Variants in MCM5 observed in about 807,000 individuals in gnomAD.
MCM5 encodes the protein DNA replication licensing factor MCM5.
In MCM5, 46 loss-of-function variants were observed where a neutral mutation model predicts 79.9. The observed-to-expected ratio is 0.58, with a 90% CI of 0.45 to 0.74. The LOEUF is 0.74. Ranked by LOEUF, MCM5 falls within the 30% of genes least tolerant of loss-of-function variation. The probability of loss-of-function intolerance (pLI) is 0.00; values close to 1 mark genes in which losing one functional copy is unlikely to be tolerated. For synonymous variants in MCM5, 404 were observed against 390.5 expected, an observed-to-expected ratio of 1.03 and a Z score of -0.41; for missense variants, 883 against 1,017.0, an observed-to-expected ratio of 0.87 and a Z score of 1.79.
intron 15 of MCM5, chr22:35,422,501 G>C (rs1488385714): frequency 6.6e-6 from 1 of 152,308 alleles, no homozygotes; most frequent in Non-Finnish European, 1.5e-5. Flanking sequence ...TGTTCCTCCT[G>C]TCCCCCTTGG....
chr22:35,430,922 A>G, the MCM5 span, among the ~76,000 whole-genome samples: 1 of 151,834 alleles, frequency 6.6e-6, no homozygotes, highest in African/African-American at 2.4e-5. Context: ...AATAATCAGG[A>G]GAATTTTTTT....
At chr22:35,433,896 A>G in the MCM5 span, among the ~76,000 whole-genome samples, 2 of 152,244 alleles carry the variant, frequency 1.3e-5, no homozygotes, top group East Asian at 1.9e-4. Flanking sequence ...CATGGACTCA[A>G]GGGATTCCAT....
At chr22:35,451,049 C>T in the MCM5 span, among the ~76,000 whole-genome samples, 5 of 152,148 alleles carry the variant, frequency 3.3e-5, no homozygotes, top group African/African-American at 7.2e-5. Context: ...CTTTCTTTCC[C>T]GGAAACTCCC....
At chr22:35,415,759 G>T in intron 9 of MCM5, 70 bp from the exon 10 acceptor site, 2 of 1,545,856 alleles carry the variant, frequency 1.3e-6, no homozygotes, top group Non-Finnish European at 1.8e-6. Flanking sequence ...AACCTCAGTG[G>T]GTCTTTTTGT....
chr22:35,412,036 C>G (rs1250440042), intron 7 of MCM5, among the ~76,000 whole-genome samples: 1 of 152,256 alleles, frequency 6.6e-6, no homozygotes, highest in Non-Finnish European at 1.5e-5. Flanking sequence ...CCAGCTCCAC[C>G]TTTAAAACGT....
Position 35,424,704 on chromosome 22 carries a change from G to C in MCM5, c.*449G>C, listed in dbSNP as rs1054242930. The stretch of plus-strand genomic sequence containing the variant: ...GGGCTCATAAAGCCACTCCCTTGAT[G>C]CTGGGAATCCAGTGAGACCAGGGAG... On this transcript the variant is annotated 3_prime_UTR_variant, in exon 17 of 17. Transcript: ENST00000216122. The C allele has an allele frequency of 5.2e-5, 8 of 153,896 alleles. No individual in the cohort carries two copies. Among genetic ancestry groups the C allele is most frequent in the African/African-American group, 1.9e-4 (8 of 41,646 alleles). 9.5% of individuals were successfully genotyped at this position (153,896 alleles called of 1,614,324 possible). A position where few individuals can be genotyped will look rare whatever the true frequency, so the allele number is the denominator to read the frequency against.
At chr22:35,430,843 G>T in the MCM5 span, among the ~76,000 whole-genome samples, 1 of 150,464 alleles carries the variant, frequency 6.6e-6, no homozygotes, top group Admixed American at 6.6e-5. Context: ...TTCCATGCAG[G>T]ACACAGAAGG....
intron 13 of MCM5, among the ~76,000 whole-genome samples, chr22:35,419,598 A>G (rs1015395286): frequency 6.6e-6 from 1 of 152,250 alleles, no homozygotes; most frequent in Non-Finnish European, 1.5e-5. Flanking sequence ...AGCGTCTAAC[A>G]GTGGGGAAGA....
chr22:35,416,043 C>T (rs1359460677), intron 10 of MCM5, 71 bp downstream of exon 10: 1 of 1,551,124 alleles, frequency 6.4e-7, no homozygotes, highest in Non-Finnish European at 8.8e-7. Context: ...TGTGCTCAGC[C>T]AGCAGAAATC....
Position 35,425,007 on chromosome 22 carries a change from C to T in MCM5, c.*752C>T, listed in dbSNP as rs191443206. On this transcript the variant is annotated 3_prime_UTR_variant, in exon 17 of 17. Transcript: ENST00000216122. ...TTCTTTCCTGGTGGGCCACGTGTAACTGTGTGGCCTTGGGCGAGACATTTC... is the reference window on the plus strand; with the variant it reads ...TTCTTTCCTGGTGGGCCACGTGTAATTGTGTGGCCTTGGGCGAGACATTTC... 9 of 152,326 alleles carry T rather than the reference C, an allele frequency of 5.9e-5. No individual in the cohort carries two copies. The highest frequency in any genetic ancestry group is 1.2e-4 in the African/African-American group (5 of 41,554). 9.4% of individuals were successfully genotyped at this position (152,326 alleles called of 1,614,324 possible). A position where few individuals can be genotyped will look rare whatever the true frequency, so the allele number is the denominator to read the frequency against.
At chr22:35,423,471 C>A in intron 16 of MCM5, 130 bp downstream of exon 16, 1 of 991,586 alleles carries the variant, frequency 1.0e-6, no homozygotes, top group Non-Finnish European at 1.4e-6. Context: ...ACAACTGTCC[C>A]TTTCTCAGAC....
downstream of MCM5, among the ~76,000 whole-genome samples, chr22:35,428,581 AAAC>A: frequency 6.6e-6 from 1 of 152,146 alleles, no homozygotes. Context: ...CATACGTAAA[AAAC>A]CTACTATTGA....
At chr22:35,410,466 GA>G in intron 6 of MCM5, 2 of 412,292 alleles carry the variant, frequency 4.9e-6, no homozygotes, top group Non-Finnish European at 9.2e-6. Context: ...GCGTACAAAT[GA>G]GTTAGCGAGT....
At position 35,424,943 on chromosome 22, in the gene MCM5, A is replaced by ATG. The variant is rs1932764874; in HGVS notation, c.*690_*691dup. 6.6e-6 allele frequency: 1 copy of ATG among 152,238 alleles called. No individual in the cohort carries two copies. The highest frequency in any genetic ancestry group is 1.9e-4 in the East Asian group (1 of 5,204). 9.4% of individuals were successfully genotyped at this position (152,238 alleles called of 1,614,324 possible). On this transcript the variant is annotated 3_prime_UTR_variant, in exon 17 of 17. Transcript: ENST00000216122. The stretch of plus-strand genomic sequence containing the variant: ...CAGTGAGCAGCTGTTAGTGAGGGGA[A>ATG]TGTAGTGGCCACCAGGCAGGAACTA...
chr22:35,424,236 T>C lies in MCM5; in HGVS notation c.2186T>C (p.Val729Ala). ...ATCCAGCATCGCATGCAGCGCAAGG[T>C]TCTCTACCGCCTCAAGTGAGTCGCG... is the stretch of plus-strand genomic sequence containing the variant. ...GEIQHRMQRK[V>A]LYRLK Residue 729 changes from valine to alanine, a missense_variant, in exon 17 of 17, where the codon GTT becomes GCT. By Grantham distance (64) the Val-to-Ala change is moderately conservative. Around this residue, in one of 3 missense-constraint regions of MCM5, gnomAD observed 426 missense variants for 482.3 expected, o/e 0.88. Coordinates refer to ENST00000216122, the MANE Select transcript of MCM5 (RefSeq NM_006739.4). 1 of 1,549,722 alleles carries C rather than the reference T, an allele frequency of 6.5e-7. No homozygotes were observed. Among genetic ancestry groups the C allele is most frequent in the African/African-American group, 1.4e-5 (1 of 73,172 alleles).
chr22:35,449,216 A>C, the MCM5 span, among the ~76,000 whole-genome samples: 1 of 152,092 alleles, frequency 6.6e-6, no homozygotes, highest in Admixed American at 6.6e-5. Context: ...AGCCGCTGTC[A>C]CTCAGGCCTA....
the MCM5 span, among the ~76,000 whole-genome samples, chr22:35,438,591 C>CATCCACCCACCCACATATT: frequency 0.11 from 4,820 of 43,052 alleles, 81 homozygotes; most frequent in African/African-American, 0.22. Flanking sequence ...ATCCATCCAT[C>CATCCACCCACCCACATATT]CATGCATCCA....
the MCM5 span, among the ~76,000 whole-genome samples, chr22:35,430,809 C>CTTT: frequency 5.0e-5 from 7 of 139,256 alleles, no homozygotes; most frequent in Admixed American, 1.4e-4. Context: ...TGTACCCAGC[C>CTTT]TTTTTTTTTT....
At chr22:35,403,150 G>A (rs1233755526) in intron 2 of MCM5, 57 bp from the exon 3 acceptor site, 2 of 1,598,722 alleles carry the variant, frequency 1.3e-6, no homozygotes, top group South Asian at 2.2e-5. Context: ...CTCAGCCAGT[G>A]TTGGTTTCCT....
Sources: allele counts gnomAD v4.1 joint callset (sites outside exome capture counted in the v4.1 genomes callset), GRCh38; gene constraint gnomAD v4.1.1; regional missense constraint gnomAD v4.1.1; transcripts MANE v1.5; gene names NCBI Gene and HGNC (gene_info 2026-07-23, HGNC 2026-07-21).